GDAP1: variants seen among roughly 807,000 people sequenced by gnomAD.
GDAP1 encodes the protein ganglioside induced differentiation associated protein 1.
A neutral mutation model predicts 40.1 loss-of-function variants in GDAP1; 34 were observed. That is an observed-to-expected ratio of 0.85 (90% confidence interval 0.64 to 1.13). GDAP1 has a LOEUF of 1.13. Ranked by LOEUF, GDAP1 falls within the 50% of genes most tolerant of loss-of-function variation. The probability of loss-of-function intolerance (pLI) is 0.00; values close to 1 mark genes in which losing one functional copy is unlikely to be tolerated. For synonymous variants in GDAP1, 170 were observed against 157.4 expected, an observed-to-expected ratio of 1.08 and a Z score of -0.60; for missense variants, 374 against 433.7, an observed-to-expected ratio of 0.86 and a Z score of 1.22.
intron 2 of GDAP1, among the ~76,000 whole-genome samples, chr8:74,356,272 G>C (rs894978560): frequency 6.6e-6 from 1 of 152,100 alleles, no homozygotes; most frequent in Non-Finnish European, 1.5e-5. Context: ...TTAGCAGACA[G>C]GTTGGGGGTA....
chr8:74,475,527 A>G (rs1806617938), intron 2 of GDAP1, among the ~76,000 whole-genome samples: 2 of 152,180 alleles, frequency 1.3e-5, no homozygotes, highest in Admixed American at 1.3e-4. Flanking sequence ...TTCCTGCCTT[A>G]ATCTCATTAT....
At position 74,458,320 on chromosome 8, in the gene GDAP1, C is replaced by G. The variant is rs181676413; in HGVS notation, c.166-30358C>G. Among the ~76,000 whole-genome samples, 39 of 152,052 alleles carry G rather than the reference C, an allele frequency of 2.6e-4. No individual in the cohort carries two copies. In the East Asian group the frequency reaches 5.2e-3, roughly 20 times the overall value. On this transcript the variant is annotated intron_variant, in intron 2 of 2. Transcript: ENST00000523640. ...TTTTCTTTAAGCTATGAGTAAATGA[C>G]CATGACCAGATTGTCCCAAGACACC... is the stretch of plus-strand genomic sequence containing the variant.
intron 2 of GDAP1, among the ~76,000 whole-genome samples, chr8:74,441,346 G>GAAAT (rs1806160205): frequency 6.6e-6 from 1 of 152,058 alleles, no homozygotes; most frequent in East Asian, 1.9e-4. Context: ...CATTTAAAAA[G>GAAAT]GGTGTACCAT....
intron 2 of GDAP1, among the ~76,000 whole-genome samples, chr8:74,373,382 T>C (rs1041854994): frequency 2.6e-5 from 4 of 152,218 alleles, no homozygotes; most frequent in Non-Finnish European, 5.9e-5. Flanking sequence ...ATTCTTCCTA[T>C]CGATGAGCAT....
chr8:74,400,097 G>A (rs1055821372), intron 2 of GDAP1, among the ~76,000 whole-genome samples: 1 of 148,528 alleles, frequency 6.7e-6, no homozygotes, highest in Non-Finnish European at 1.5e-5. Context: ...TCAATTCCTG[G>A]GTATCCTTGT....
intron 2 of GDAP1, among the ~76,000 whole-genome samples, chr8:74,474,600 G>T (rs1442555600): frequency 6.6e-6 from 1 of 152,100 alleles, no homozygotes; most frequent in Non-Finnish European, 1.5e-5. Flanking sequence ...CACATTAATT[G>T]ATTTGTGTAT....
chr8:74,362,907 A>G, intron 4 of GDAP1, 32 bp from the exon 5 acceptor site: 1 of 928,012 alleles, frequency 1.1e-6, no homozygotes, highest in Non-Finnish European at 1.8e-6. Context: ...TGCAAATAAT[A>G]TGTTTGGTTT....
chr8:74,400,952 G>A (rs1425864797), intron 2 of GDAP1, among the ~76,000 whole-genome samples: 3 of 149,898 alleles, frequency 2.0e-5, no homozygotes, highest in South Asian at 2.1e-4. Flanking sequence ...CCCTTTGTGG[G>A]TAACCTGACC....
chr8:74,376,581 C>A (rs1809857305), intron 2 of GDAP1: 2 of 152,202 alleles, frequency 1.3e-5, no homozygotes, highest in African/African-American at 4.8e-5. Flanking sequence ...GATCTCCTGA[C>A]CTTGTGATCT....
At chr8:74,472,477 G>T (rs1204366598) in intron 2 of GDAP1, among the ~76,000 whole-genome samples, 1 of 152,174 alleles carries the variant, frequency 6.6e-6, no homozygotes, top group Non-Finnish European at 1.5e-5. Flanking sequence ...TGGGTTAAAT[G>T]ATAGTTCTAT....
chr8:74,444,192 GCACACACACACACACACGCGCGCA>G (rs1247280017), intron 2 of GDAP1, among the ~76,000 whole-genome samples: 6,322 of 108,880 alleles, frequency 0.058, 171 homozygotes, highest in African/African-American at 0.099. Flanking sequence ...GCAGGCAAAT[GCACACACACACACACACGCGCGCA>G]CACACACACA....
At chr8:74,374,553 A>C (rs1484398118) in intron 2 of GDAP1, among the ~76,000 whole-genome samples, 1 of 152,168 alleles carries the variant, frequency 6.6e-6, no homozygotes, top group Non-Finnish European at 1.5e-5. Context: ...AATTAACGAA[A>C]CTCAAAATTC....
chr8:74,373,507 C>T (rs192486987), intron 2 of GDAP1, among the ~76,000 whole-genome samples: 279 of 152,192 alleles, frequency 1.8e-3, no homozygotes, highest in Non-Finnish European at 2.4e-3. Context: ...GTATTTTATT[C>T]TCTTTGAAGC....
rs72665429 is a variant in GDAP1 at position 74,363,692 on chromosome 8, C to T, written c.695-293C>T. 0.022 allele frequency among the ~76,000 whole-genome samples: 3,278 copies of T among 152,266 alleles called. 54 individuals carry two copies. The highest frequency in any genetic ancestry group is 0.033 in the Non-Finnish European group (2,261 of 68,028). On this transcript the variant is annotated intron_variant, in intron 5 of 5. Coordinates refer to ENST00000220822, the MANE Select transcript of GDAP1 (RefSeq NM_018972.4). ...TTTAACTAGCTTGGAGGCTCCCAAC[C>T]CCTTAGTGTCCTTTACAAAGTGATA...
chr8:74,366,582 A>G lies in GDAP1; in HGVS notation c.*2215A>G. The G allele has an allele frequency of 6.6e-6, 3 of 453,306 alleles. No individual in the cohort carries two copies. Among genetic ancestry groups the G allele is most frequent in the South Asian group, 4.7e-5 (3 of 64,224 alleles). 28.1% of individuals were successfully genotyped at this position (453,306 alleles called of 1,614,324 possible). A position where few individuals can be genotyped will look rare whatever the true frequency, so the allele number is the denominator to read the frequency against. ...CGGTGACTGGTCAGTGTACTCATCA[A>G]TTTCCAAAATTTGTATAAATATCAC... On this transcript the variant is annotated 3_prime_UTR_variant, in exon 6 of 6. Coordinates refer to ENST00000220822, the MANE Select transcript of GDAP1 (RefSeq NM_018972.4).
At chr8:74,373,436 G>A (rs1261634762) in intron 2 of GDAP1, among the ~76,000 whole-genome samples, 7 of 152,204 alleles carry the variant, frequency 4.6e-5, no homozygotes, top group Admixed American at 3.3e-4. Context: ...ATTTCGTTGA[G>A]CACTGGTTTG....
At chr8:74,469,089 A>G (rs1475730241) in intron 2 of GDAP1, among the ~76,000 whole-genome samples, 1 of 152,134 alleles carries the variant, frequency 6.6e-6, no homozygotes. Context: ...ATAATCCTGA[A>G]TTATTCTTAC....
At chr8:74,359,181 G>T (rs1809236738) in intron 2 of GDAP1, among the ~76,000 whole-genome samples, 1 of 152,156 alleles carries the variant, frequency 6.6e-6, no homozygotes. Context: ...TTCTAGCTCT[G>T]CCTCTAATTA....
intron 2 of GDAP1, among the ~76,000 whole-genome samples, chr8:74,398,149 T>C (rs1002249984): frequency 2.0e-5 from 3 of 152,116 alleles, no homozygotes; most frequent in African/African-American, 7.2e-5. Context: ...ATGATTTGGC[T>C]CTCTGTTTGT....
Sources: gnomAD v4.1 joint callset for allele counts (sites outside exome capture counted in the v4.1 genomes callset) on GRCh38, gnomAD v4.1.1 for gene constraint, MANE v1.5 for transcripts, NCBI Gene and HGNC (gene_info 2026-07-23, HGNC 2026-07-21) for gene names.